The following AP2A2 variants were observed in gnomAD, a reference collection of about 807,000 sequenced individuals.
The protein encoded by AP2A2 is adaptor related protein complex 2 subunit alpha 2, also known as AP-2 complex subunit alpha-2.
Under a neutral mutation model 104.2 loss-of-function variants are expected in AP2A2, and 32 were observed. The observed-to-expected ratio is 0.31, with a 90% confidence interval of 0.23 to 0.41. The LOEUF (loss-of-function observed/expected upper bound fraction) is 0.41. Ranked by LOEUF, AP2A2 falls within the 10% of genes least tolerant of loss-of-function variation. AP2A2 has a pLI of 1.00. For synonymous variants in AP2A2, 539 were observed against 533.3 expected (o/e 1.01, Z -0.15); for missense variants, 912 against 1,261.0 (o/e 0.72, Z 4.19).
chr11:994,264 G>T lies in AP2A2; in HGVS notation c.1956+19G>T. ...CGCCGTGGTGGGTCCCTCACCTACT[G>T]TGCACCCAGACCTGTCAGGGCCTCA... is the stretch of plus-strand genomic sequence containing the variant. On this transcript the variant is annotated intron_variant, in intron 14 of 21. Coordinates refer to ENST00000448903, the MANE Select transcript of AP2A2 (RefSeq NM_012305.4). 1 of 1,611,492 alleles carries T rather than the reference G, an allele frequency of 6.2e-7. No individual in the cohort carries two copies. Among genetic ancestry groups the T allele is most frequent in the African/African-American group, 1.3e-5 (1 of 75,006 alleles).
At chr11:984,847 T>C in intron 7 of AP2A2, 94 bp downstream of exon 7, 1 of 1,082,960 alleles carries the variant, frequency 9.2e-7, no homozygotes, top group South Asian at 1.3e-5. Flanking sequence ...TTAAGAAGTG[T>C]GTTACTAGCC....
At position 1,010,616 on chromosome 11, in the gene AP2A2, G is replaced by T. The variant is rs775295644; in HGVS notation, c.2811G>T (p.Ala937=). 6.3e-7 allele frequency: 1 copy of T among 1,593,730 alleles called. No individual in the cohort carries two copies. The highest frequency in any genetic ancestry group is 1.3e-5 in the African/African-American group (1 of 74,584). The part of the protein sequence containing the change: ...VSQRLCELLS[A]QF Reference sequence around the variant, plus strand: ...AGAGATTATGTGAATTGCTCTCAGCGCAGTTTTAGTCCTGAGGATGGAAGA... The same window carrying T: ...AGAGATTATGTGAATTGCTCTCAGCTCAGTTTTAGTCCTGAGGATGGAAGA... The change falls in exon 22 of 22, where the codon GCG becomes GCT. Residue 937 remains alanine, a synonymous_variant. Coordinates refer to ENST00000448903, the MANE Select transcript of AP2A2 (RefSeq NM_012305.4).
At chr11:963,427 GA>G (rs1166394841) in intron 2 of AP2A2, among the ~76,000 whole-genome samples, 1 of 149,190 alleles carries the variant, frequency 6.7e-6, no homozygotes, top group Non-Finnish European at 1.5e-5. Flanking sequence ...CTCTGTCTCA[GA>G]AAAAAAAACT....
Position 988,528 on chromosome 11 carries a change from C to G in AP2A2, c.1132-24C>G, listed in dbSNP as rs760520847. 5.2e-5 allele frequency: 83 copies of G among 1,606,434 alleles called. 1 individual carries two copies. The African/African-American group carries it at 8.9e-4, about 17-fold the overall frequency. ...AGCTTGTGCCTTGCTCCTGCGACCT[C>G]TTACTCTGTGCCTTGTTCCCCAGAC... is the stretch of plus-strand genomic sequence containing the variant. On this transcript the variant is annotated intron_variant, in intron 9 of 21. Coordinates refer to ENST00000448903, the MANE Select transcript of AP2A2 (RefSeq NM_012305.4).
At chr11:951,170 A>C (rs1332487413) in intron 1 of AP2A2, among the ~76,000 whole-genome samples, 2 of 152,148 alleles carry the variant, frequency 1.3e-5, no homozygotes, top group African/African-American at 4.8e-5. Context: ...AAGCATATAA[A>C]AGCTATCAGA....
rs1853103714 is a variant in AP2A2 at position 925,951 on chromosome 11, C to T, written c.-71C>T. 2 of 1,227,032 alleles carry T rather than the reference C, an allele frequency of 1.6e-6. No individual in the cohort carries two copies. The highest frequency in any genetic ancestry group is 1.1e-6 in the Non-Finnish European group (1 of 937,570). 76.0% of individuals were successfully genotyped at this position (1,227,032 alleles called of 1,614,324 possible). A position where few individuals can be genotyped will look rare whatever the true frequency, so the allele number is the denominator to read the frequency against. ...CTCCGCGGCGGTGACGGCGACCGCA[C>T]TCCCCGCTTCCCGCTCCCCGCGCTC... On this transcript the variant is annotated 5_prime_UTR_variant, in exon 1 of 22. Transcript: ENST00000448903.
chr11:973,155 G>C (rs1486865655), intron 4 of AP2A2, among the ~76,000 whole-genome samples: 2 of 152,344 alleles, frequency 1.3e-5, no homozygotes, highest in Non-Finnish European at 2.9e-5. Context: ...CATCCACCCA[G>C]ACCACACAGT....
At chr11:951,293 G>T (rs1461422343) in intron 1 of AP2A2, among the ~76,000 whole-genome samples, 3 of 152,124 alleles carry the variant, frequency 2.0e-5, no homozygotes, top group Admixed American at 2.0e-4. Context: ...TTGGGAGGCC[G>T]AGGTGGGTGG....
chr11:963,980 A>C (rs11246357), intron 2 of AP2A2, among the ~76,000 whole-genome samples: 77,021 of 152,076 alleles, frequency 0.51, 20,137 homozygotes, highest in Middle Eastern at 0.66. Flanking sequence ...AAACAACCGA[A>C]GTGCATAGAG....
chr11:985,351 A>T (rs1193044899), intron 7 of AP2A2, 84 bp from the exon 8 acceptor site: 4 of 1,497,106 alleles, frequency 2.7e-6, no homozygotes, highest in Non-Finnish European at 3.6e-6. Context: ...AAATGCTCTC[A>T]TGATGTATGG....
At chr11:966,950 C>T (rs773483165) in intron 2 of AP2A2, among the ~76,000 whole-genome samples, 5 of 152,138 alleles carry the variant, frequency 3.3e-5, no homozygotes, top group Non-Finnish European at 7.4e-5. Flanking sequence ...GGGCAGATCA[C>T]GAGGTCAGGA....
At chr11:983,021 T>C (rs1476033307) in intron 6 of AP2A2, among the ~76,000 whole-genome samples, 10 of 140,050 alleles carry the variant, frequency 7.1e-5, no homozygotes, top group East Asian at 6.2e-4. Flanking sequence ...CTTTTTCTTT[T>C]TTTTTTTTTT....
rs914256124 is a variant in AP2A2, at chr11:972,747, A to G, written c.473+492A>G. Among the ~76,000 whole-genome samples the G allele has an allele frequency of 3.9e-5, 6 of 152,250 alleles. No homozygotes were observed. In the South Asian group the frequency reaches 6.2e-4, roughly 16 times the overall value. ...TTAGATTTCAATTAAAGTGCAATCT[A>G]ATACCACTGAGATTCAAAACACAGA... is the stretch of plus-strand genomic sequence containing the variant. On this transcript the variant is annotated intron_variant, in intron 4 of 21. Coordinates refer to ENST00000448903, the MANE Select transcript of AP2A2 (RefSeq NM_012305.4).
chr11:1,008,628 C>T lies in AP2A2; in HGVS notation c.2421-472C>T, dbSNP rs564781491. 1.5e-3 allele frequency: 314 copies of T among 204,972 alleles called. 2 individuals carry two copies. The highest frequency in any genetic ancestry group is 6.9e-3 in the African/African-American group (297 of 42,860). The allele number at this position is 204,972 out of a possible 1,614,324, so 12.7% of individuals were successfully genotyped here. A position where few individuals can be genotyped will look rare whatever the true frequency, so the allele number is the denominator to read the frequency against. Reference sequence around the variant, plus strand: ...CTCACTTTTCAGTGACTACAAATAGCGTGGATACAGTCAGCCCGTCCCCTG... The same window carrying T: ...CTCACTTTTCAGTGACTACAAATAGTGTGGATACAGTCAGCCCGTCCCCTG... On this transcript the variant is annotated intron_variant, in intron 18 of 21. Transcript: ENST00000448903.
intron 17 of AP2A2, 147 bp from the exon 18 acceptor site, chr11:1,007,865 G>A: frequency 9.0e-7 from 1 of 1,109,672 alleles, no homozygotes; most frequent in South Asian, 1.4e-5. Context: ...GGCAGGGCCG[G>A]GTGGTGTGGC....
At chr11:972,463 G>C (rs911514750) in intron 4 of AP2A2, among the ~76,000 whole-genome samples, 10 of 152,206 alleles carry the variant, frequency 6.6e-5, no homozygotes, top group African/African-American at 2.4e-4. Flanking sequence ...AGGAGGCCAA[G>C]GTGGGAGAAT....
intron 2 of AP2A2, among the ~76,000 whole-genome samples, chr11:964,622 A>G (rs1035256050): frequency 5.3e-5 from 8 of 152,180 alleles, no homozygotes; most frequent in Non-Finnish European, 1.0e-4. Context: ...ACCCTGCTAC[A>G]TGGTCAATGC....
intron 5 of AP2A2, among the ~76,000 whole-genome samples, chr11:980,063 C>T (rs1263707825): frequency 1.4e-5 from 2 of 145,132 alleles, no homozygotes; most frequent in African/African-American, 5.1e-5. Context: ...GGAGCGGTGA[C>T]AGGCTGCCCG....
At chr11:1,010,269 C>T (rs1487415761) in intron 21 of AP2A2, 32 of 552,234 alleles carry the variant, frequency 5.8e-5, no homozygotes, top group Non-Finnish European at 3.2e-6. Context: ...CGCCCAGGGC[C>T]TGTGTGTGGT....
Sources: allele counts gnomAD v4.1 joint callset (sites outside exome capture counted in the v4.1 genomes callset), GRCh38; gene constraint gnomAD v4.1.1; transcripts MANE v1.5; gene names NCBI Gene and HGNC (gene_info 2026-07-23, HGNC 2026-07-21).